The following REG1A variants were observed in gnomAD, a reference collection of about 807,000 sequenced individuals.
REG1A encodes lithostathine-1-alpha.
A neutral mutation model predicts 20.7 loss-of-function variants in REG1A; 20 were observed. That is an observed-to-expected ratio of 0.97 (90% CI 0.68 to 1.41). REG1A has a LOEUF of 1.41. REG1A is among the 40% of genes most tolerant of loss of function. REG1A has a pLI of 0.00. For synonymous variants in REG1A, 90 were observed against 71.6 expected (o/e 1.26, Z -1.30); for missense variants, 193 against 201.8 (o/e 0.96, Z 0.26).
rs376611935 is a variant in REG1A at position 79,123,145 on chromosome 2, T to C, written c.434-3T>C. 7.4e-6 allele frequency: 12 copies of C among 1,611,434 alleles called. No individual in the cohort carries two copies. The highest frequency in any genetic ancestry group is 5.3e-5 in the African/African-American group (4 of 74,856). On this transcript the variant is annotated splice_region_variant and splice_polypyrimidine_tract_variant and intron_variant, in intron 5 of 5. Coordinates refer to ENST00000233735, the MANE Select transcript of REG1A (RefSeq NM_002909.5). ...AGTTGTAACTCTTCTCATTGACTTA[T>C]AGGATTCCAGAAATGGAAGGATGTG...
At chr2:79,120,689 C>G (rs964533678) in intron 1 of REG1A, 127 bp from the exon 2 acceptor site, 26 of 458,886 alleles carry the variant, frequency 5.7e-5, no homozygotes, top group African/African-American at 5.0e-4. Context: ...TCAAGAGAAA[C>G]ATTTGAAGGT....
chr2:79,121,145 A>T (rs1672880464), intron 2 of REG1A, among the ~76,000 whole-genome samples: 1 of 152,176 alleles, frequency 6.6e-6, no homozygotes, highest in African/African-American at 2.4e-5. Context: ...CCTTATAAGC[A>T]ACTGCTGCAG....
intron 4 of REG1A, 92 bp downstream of exon 4, chr2:79,122,217 G>A (rs777907011): frequency 2.7e-5 from 37 of 1,384,140 alleles, no homozygotes; most frequent in Middle Eastern, 4.4e-4. Flanking sequence ...AGCTTTTATC[G>A]CTTTCCAGAA....
chr2:79,122,216 C>T (rs866999163), intron 4 of REG1A, 91 bp downstream of exon 4: 35 of 1,389,120 alleles, frequency 2.5e-5, no homozygotes, highest in African/African-American at 2.2e-4. Context: ...CAGCTTTTAT[C>T]GCTTTCCAGA....
In REG1A at chr2:79,121,595, G is replaced by A. The variant is rs759397185; in HGVS notation, c.98G>A (p.Arg33Gln). The A allele has an allele frequency of 1.2e-5, 19 of 1,613,922 alleles. No individual in the cohort carries two copies. Among genetic ancestry groups the A allele is most frequent in the Non-Finnish European group, 1.5e-5 (18 of 1,179,996 alleles). ...GCCCAGACAGAGTTGCCCCAGGCCC[G>A]GATCAGCTGCCCAGAAGGCACCAAT... is the stretch of plus-strand genomic sequence containing the variant. ...QEAQTELPQA[R>Q]ISCPEGTNAY... The change falls in exon 3 of 6, where the codon CGG becomes CAG. Residue 33 changes from arginine (R) to glutamine (Q), a missense_variant. Arg to Gln is a conservative substitution (Grantham distance 43). Transcript: ENST00000233735.
chr2:79,120,782 C>A, intron 1 of REG1A, 34 bp from the exon 2 acceptor site: 1 of 1,148,798 alleles, frequency 8.7e-7, no homozygotes, highest in Non-Finnish European at 1.2e-6. Flanking sequence ...TGCTCTCCAT[C>A]TCTCAGAACC....
Position 79,121,974 on chromosome 2 carries a change from T to G in REG1A, c.184-14T>G. On this transcript the variant is annotated splice_polypyrimidine_tract_variant and intron_variant, in intron 3 of 5. Coordinates refer to ENST00000233735, the MANE Select transcript of REG1A (RefSeq NM_002909.5). The stretch of plus-strand genomic sequence containing the variant: ...TTCCTCCTCCACTGAGTGCTCCATT[T>G]TCTTCTGCAACAGCTCTATTGCCAG... 1.9e-6 allele frequency: 3 copies of G among 1,613,310 alleles called. No homozygotes were observed. Among genetic ancestry groups the G allele is most frequent in the Non-Finnish European group, 2.5e-6 (3 of 1,179,638 alleles).
At position 79,123,245 on chromosome 2, in the gene REG1A, G is replaced by A. The variant is rs769182016; in HGVS notation, c.*30G>A. ...AACTGGAAAATACATGTCTAGAACT[G>A]ATCCAGCAATTACAACGGAGTCAAA... On this transcript the variant is annotated 3_prime_UTR_variant, in exon 6 of 6. Transcript: ENST00000233735. 7 of 1,435,036 alleles carry A rather than the reference G, an allele frequency of 4.9e-6. No individual in the cohort carries two copies. The African/African-American group carries it at 8.5e-5, about 17-fold the overall frequency. The allele number at this position is 1,435,036 out of a possible 1,614,324, so 88.9% of individuals were successfully genotyped here. A position where few individuals can be genotyped will look rare whatever the true frequency, so the allele number is the denominator to read the frequency against.
chr2:79,123,116 TC>T, intron 5 of REG1A, 31 bp from the exon 6 acceptor site: 1 of 1,572,310 alleles, frequency 6.4e-7, no homozygotes, highest in Non-Finnish European at 8.7e-7. Flanking sequence ...CTTTCGGGTC[TC>T]CCAGTTGTAA....
Position 79,122,853 on chromosome 2 carries a change from C to T in REG1A, c.334C>T (p.His112Tyr). ...LHDPKKNRRWHWSSGSLVSYK... is the reference protein window; with the variant it reads ...LHDPKKNRRWYWSSGSLVSYK... ...CTTCCCCATCTAGAACCGCCGCTGG[C>T]ACTGGAGCAGTGGGTCCCTGGTCTC... Residue 112 changes from histidine (H) to tyrosine (Y), a missense_variant, in exon 5 of 6, where the codon CAC becomes TAC. Transcript: ENST00000233735. 1.2e-6 allele frequency: 2 copies of T among 1,613,106 alleles called. No homozygotes were observed. Among genetic ancestry groups the T allele is most frequent in the Non-Finnish European group, 1.7e-6 (2 of 1,179,882 alleles).
chr2:79,120,851 T>C lies in REG1A; in HGVS notation c.-11T>C, dbSNP rs754924221. On this transcript the variant is annotated 5_prime_UTR_variant, in exon 2 of 6. Transcript: ENST00000233735. Reference sequence around the variant, plus strand: ...TTTGCCTCTTAAGCAAGAGATTCATTGCAGCTCAGCATGGCTCAGACCAGC... The same window carrying C: ...TTTGCCTCTTAAGCAAGAGATTCATCGCAGCTCAGCATGGCTCAGACCAGC... 3.7e-6 allele frequency: 6 copies of C among 1,600,472 alleles called. No individual in the cohort carries two copies. The South Asian group carries it at 5.6e-5, about 15-fold the overall frequency.
rs749116600 is a variant in REG1A at position 79,120,844 on chromosome 2, G to A, written c.-18G>A. 7.5e-6 allele frequency: 12 copies of A among 1,590,962 alleles called. No homozygotes were observed. The South Asian group carries it at 1.4e-4, about 18-fold the overall frequency. On this transcript the variant is annotated 5_prime_UTR_variant, in exon 2 of 6. Transcript: ENST00000233735. The stretch of plus-strand genomic sequence containing the variant: ...TTGTTGATTTGCCTCTTAAGCAAGA[G>A]ATTCATTGCAGCTCAGCATGGCTCA...
At chr2:79,121,429 A>T in intron 2 of REG1A, 133 bp from the exon 3 acceptor site, 1 of 731,938 alleles carries the variant, frequency 1.4e-6, no homozygotes. Flanking sequence ...AGGATGCAGG[A>T]GCAATAGTGA....
Position 79,123,286 on chromosome 2 carries a change from T to C in REG1A, c.*71T>C. ...CGGAGTCAAAAATTAAACCGGACCA[T>C]CTCTCCAACTCAACTCAACCTGGAC... On this transcript the variant is annotated 3_prime_UTR_variant, in exon 6 of 6. Coordinates refer to ENST00000233735, the MANE Select transcript of REG1A (RefSeq NM_002909.5). 1 of 950,412 alleles carries C rather than the reference T, an allele frequency of 1.1e-6. No homozygotes were observed. Among genetic ancestry groups the C allele is most frequent in the South Asian group, 1.6e-5 (1 of 64,188 alleles). 58.9% of individuals were successfully genotyped at this position (950,412 alleles called of 1,614,324 possible).
chr2:79,120,829 G>T lies in REG1A; in HGVS notation c.-33G>T. 6.4e-7 allele frequency: 1 copy of T among 1,567,656 alleles called. No homozygotes were observed. The highest frequency in any genetic ancestry group is 8.7e-7 in the Non-Finnish European group (1 of 1,145,568). On this transcript the variant is annotated 5_prime_UTR_variant, in exon 2 of 6. Coordinates refer to ENST00000233735, the MANE Select transcript of REG1A (RefSeq NM_002909.5). ...GTTCTCCTATAGAGATTGTTGATTT[G>T]CCTCTTAAGCAAGAGATTCATTGCA...
At chr2:79,120,965 G>T in intron 2 of REG1A, 40 bp downstream of exon 2, 1 of 1,523,864 alleles carries the variant, frequency 6.6e-7, no homozygotes, top group Non-Finnish European at 9.0e-7. Flanking sequence ...TTCTAGCCCT[G>T]AAGACTTCAC....
In REG1A at chr2:79,122,006, A is replaced by T; in HGVS notation, c.202A>T (p.Asn68Tyr). Reference protein sequence around the residue: ...VDADLYCQNMNSGNLVSVLTQ... With the variant: ...VDADLYCQNMYSGNLVSVLTQ... ...GCAACAGCTCTATTGCCAGAACATG[A>T]ATTCGGGCAACCTGGTGTCTGTGCT... The change falls in exon 4 of 6, where the codon AAT (asparagine) becomes TAT (tyrosine). Residue 68 changes from asparagine to tyrosine, a missense_variant. Asn to Tyr is a moderately radical substitution (Grantham distance 143, BLOSUM62 -2). Coordinates refer to ENST00000233735, the MANE Select transcript of REG1A (RefSeq NM_002909.5). The T allele has an allele frequency of 1.2e-6, 2 of 1,613,886 alleles. No individual in the cohort carries two copies. The highest frequency in any genetic ancestry group is 1.7e-6 in the Non-Finnish European group (2 of 1,179,954).
At chr2:79,121,884 G>T in intron 3 of REG1A, 104 bp from the exon 4 acceptor site, 1 of 1,487,754 alleles carries the variant, frequency 6.7e-7, no homozygotes, top group Non-Finnish European at 9.3e-7. Context: ...GCATCATCAC[G>T]GACATTACTC....
chr2:79,123,253 A>C lies in REG1A; in HGVS notation c.*38A>C. ...AATACATGTCTAGAACTGATCCAGC[A>C]ATTACAACGGAGTCAAAAATTAAAC... On this transcript the variant is annotated 3_prime_UTR_variant, in exon 6 of 6. Coordinates refer to ENST00000233735, the MANE Select transcript of REG1A (RefSeq NM_002909.5). The C allele has an allele frequency of 7.4e-7, 1 of 1,356,322 alleles. No individual in the cohort carries two copies. Among genetic ancestry groups the C allele is most frequent in the Non-Finnish European group, 1.0e-6 (1 of 960,254 alleles). The allele number at this position is 1,356,322 out of a possible 1,614,324, so 84.0% of individuals were successfully genotyped here. A position where few individuals can be genotyped will look rare whatever the true frequency, so the allele number is the denominator to read the frequency against.
Sources: allele counts gnomAD v4.1 joint callset (sites outside exome capture counted in the v4.1 genomes callset), GRCh38; gene constraint gnomAD v4.1.1; transcripts MANE v1.5; gene names NCBI Gene and HGNC (gene_info 2026-07-23, HGNC 2026-07-21).